The following KIF1B variants were observed in gnomAD, a reference collection of about 807,000 sequenced individuals.
KIF1B encodes kinesin family member 1B, also known as kinesin-like protein KIF1B.
Under a neutral mutation model 241.9 loss-of-function variants are expected in KIF1B, and 76 were observed. The observed-to-expected ratio is 0.31, with a 90% CI of 0.26 to 0.38. KIF1B has a LOEUF of 0.38. Ranked by LOEUF, KIF1B falls within the 10% of genes least tolerant of loss-of-function variation. KIF1B has a pLI of 1.00. For synonymous variants in KIF1B, 750 were observed against 796.7 expected (o/e 0.94, Z 0.99); for missense variants, 1,622 against 2,271.4 (o/e 0.71, Z 5.81).
intron 27 of KIF1B, among the ~76,000 whole-genome samples, chr1:10,327,566 G>A (rs921960520): frequency 6.6e-6 from 1 of 151,856 alleles, no homozygotes; most frequent in Non-Finnish European, 1.5e-5. Context: ...GTTAAGACTA[G>A]GTCACCAAAC....
At chr1:10,262,646 T>C (rs1302458960) in intron 5 of KIF1B, among the ~76,000 whole-genome samples, 1 of 152,240 alleles carries the variant, frequency 6.6e-6, no homozygotes, top group African/African-American at 2.4e-5. Context: ...TTTTAATCTT[T>C]GCTAATTTGA....
chr1:10,245,934 C>T (rs6696056), intron 2 of KIF1B, among the ~76,000 whole-genome samples: 2 of 152,086 alleles, frequency 1.3e-5, no homozygotes, highest in Middle Eastern at 3.4e-3. Flanking sequence ...TTACCTCCTT[C>T]GGTTAAAGTC....
chr1:10,211,625 T>C (rs1646694352), intron 1 of KIF1B: 1 of 152,078 alleles, frequency 6.6e-6, no homozygotes, highest in Non-Finnish European at 1.5e-5. Flanking sequence ...GGGAGGCTGC[T>C]TGAGCAAGCT....
At position 10,297,234 on chromosome 1, in the gene KIF1B, G is replaced by A. The variant is rs775278953; in HGVS notation, c.2103G>A (p.Glu701=). Residue 701 remains glutamate, a synonymous_variant, in exon 22 of 49, where the codon GAG becomes GAA. Coordinates refer to ENST00000676179, the MANE Select transcript of KIF1B (RefSeq NM_001365951.3). ...KEKEEADLLL[E]QQRLDYESKL... ...AGGAAGAAGCAGATCTTCTTTTGGA[G>A]CAGCAGAGACTGGTAGGAGTCCTGA... 6.8e-6 allele frequency: 11 copies of A among 1,612,790 alleles called. No homozygotes were observed. Among genetic ancestry groups the A allele is most frequent in the African/African-American group, 1.3e-5 (1 of 74,734 alleles).
At chr1:10,298,521 G>A (rs553171930) in intron 22 of KIF1B, among the ~76,000 whole-genome samples, 1 of 152,288 alleles carries the variant, frequency 6.6e-6, no homozygotes, top group South Asian at 2.1e-4. Context: ...TACCAACAGA[G>A]GCTCTTTAGG....
At chr1:10,290,862 CAA>C (rs776172988) in intron 15 of KIF1B, among the ~76,000 whole-genome samples, 2 of 129,480 alleles carry the variant, frequency 1.5e-5, no homozygotes, top group Non-Finnish European at 3.3e-5. Flanking sequence ...GACTCCGTCT[CAA>C]AAAAAAAAAA....
chr1:10,372,344 G>A (rs1450949924), intron 45 of KIF1B, among the ~76,000 whole-genome samples: 1 of 152,004 alleles, frequency 6.6e-6, no homozygotes. Context: ...AGACCAGCCT[G>A]GGCAACATAG....
chr1:10,304,249 T>C, intron 22 of KIF1B: 1 of 1,614,118 alleles, frequency 6.2e-7, no homozygotes, highest in Non-Finnish European at 8.5e-7. Flanking sequence ...TCCATGGGGC[T>C]CTCAAGGAAT....
At chr1:10,341,029 A>C (rs1396320326) in intron 32 of KIF1B, among the ~76,000 whole-genome samples, 1 of 152,260 alleles carries the variant, frequency 6.6e-6, no homozygotes, top group Non-Finnish European at 1.5e-5. Context: ...ATAAGCAAGC[A>C]TGTATCTGAT....
At chr1:10,305,395 C>T in intron 22 of KIF1B, 16 of 1,053,850 alleles carry the variant, frequency 1.5e-5, no homozygotes, top group Non-Finnish European at 1.8e-5. Flanking sequence ...TTTTGAAGTT[C>T]AATGTATCAT....
At chr1:10,274,039 C>T (rs142996017) in intron 10 of KIF1B, among the ~76,000 whole-genome samples, 2,868 of 149,816 alleles carry the variant, frequency 0.019, 40 homozygotes, top group Non-Finnish European at 0.028. Flanking sequence ...TGGGTTCAAG[C>T]GATTGTCCTG....
chr1:10,336,623 A>G, intron 28 of KIF1B, 34 bp from the exon 29 acceptor site: 1 of 1,549,188 alleles, frequency 6.5e-7, no homozygotes, highest in East Asian at 2.2e-5. Context: ...GTGTAGTCTC[A>G]CTCAATTCTT....
At position 10,375,412 on chromosome 1, in the gene KIF1B, G is replaced by A. The variant is rs368251037; in HGVS notation, c.5408+39G>A. The A allele has an allele frequency of 2.2e-4, 339 of 1,531,436 alleles. 1 individual carries two copies. The African/African-American group carries it at 4.1e-3, about 19-fold the overall frequency. 94.9% of individuals were successfully genotyped at this position (1,531,436 alleles called of 1,614,324 possible). ...TTGTTGTTGTTGTTGTTTTTGAGAC[G>A]GAGTCTCACTTTTTCTCCCTGAAGT... On this transcript the variant is annotated intron_variant, in intron 48 of 48. Coordinates refer to ENST00000676179, the MANE Select transcript of KIF1B (RefSeq NM_001365951.3).
intron 22 of KIF1B, chr1:10,307,856 T>TTC (rs1650905099): frequency 9.6e-7 from 1 of 1,044,568 alleles, no homozygotes; most frequent in Non-Finnish European, 1.2e-6. Context: ...GTTAAAGACA[T>TTC]TCTCTTTAGT....
chr1:10,325,784 C>T (rs181387352), intron 26 of KIF1B, among the ~76,000 whole-genome samples: 2 of 152,212 alleles, frequency 1.3e-5, no homozygotes, highest in African/African-American at 4.8e-5. Context: ...TTGAGTGGGT[C>T]CTTTGAGGCC....
rs560761952 is a variant in KIF1B, at chr1:10,374,209, G to T, written c.4947-107G>T. On this transcript the variant is annotated intron_variant, in intron 45 of 48. Coordinates refer to ENST00000676179, the MANE Select transcript of KIF1B (RefSeq NM_001365951.3). This position sits in a 1 kb window ranked among gnomAD's most constrained non-coding sequence, Gnocchi z 4.3. ...TCTGCAACTCAAGTTTGCAGCTGGG[G>T]TTTAGGGAGGGCCATTGTGTTCCTC... The T allele has an allele frequency of 1.6e-6, 2 of 1,230,194 alleles. No individual in the cohort carries two copies. Among genetic ancestry groups the T allele is most frequent in the Non-Finnish European group, 2.4e-6 (2 of 834,640 alleles). The allele number at this position is 1,230,194 out of a possible 1,614,324, so 76.2% of individuals were successfully genotyped here.
At chr1:10,259,234 ATATT>A (rs905400805) in intron 4 of KIF1B, among the ~76,000 whole-genome samples, 2 of 150,438 alleles carry the variant, frequency 1.3e-5, no homozygotes, top group Admixed American at 6.6e-5. Flanking sequence ...TCTGACATAG[ATATT>A]TATTTATTTT....
intron 22 of KIF1B, among the ~76,000 whole-genome samples, chr1:10,315,573 C>T (rs557232383): frequency 2.1e-4 from 32 of 151,488 alleles, no homozygotes; most frequent in African/African-American, 4.2e-4. Flanking sequence ...TTTCAAATTT[C>T]GTTAATTAAA....
intron 38 of KIF1B, among the ~76,000 whole-genome samples, chr1:10,356,547 G>T (rs913963169): frequency 2.6e-5 from 4 of 151,644 alleles, no homozygotes; most frequent in Non-Finnish European, 5.9e-5. Flanking sequence ...TTGAGACGGG[G>T]TGTTGCTTTG....
Sources: allele counts gnomAD v4.1 joint callset (sites outside exome capture counted in the v4.1 genomes callset), GRCh38; gene constraint gnomAD v4.1.1; non-coding constraint Gnocchi (gnomAD v3.1); transcripts MANE v1.5; gene names NCBI Gene and HGNC (gene_info 2026-07-23, HGNC 2026-07-21).